Variants in ASTN2 observed in about 807,000 individuals in gnomAD.
The protein encoded by ASTN2 is astrotactin-2.
In ASTN2, 54 loss-of-function variants were observed where a neutral mutation model predicts 139.8. The ratio of observed to expected loss-of-function variants is 0.39; its 90% CI spans 0.31 to 0.48. ASTN2 has a LOEUF of 0.48. Ranked by LOEUF, ASTN2 falls within the 20% of genes least tolerant of loss-of-function variation. The pLI is 0.95. For missense variants in ASTN2, 1,565 were observed against 1,725.1 expected (o/e 0.91, Z 1.64); for synonymous variants, 756 against 719.5 (o/e 1.05, Z -0.81).
At chr9:117,266,149 G>C (rs1027755922) in intron 2 of ASTN2, among the ~76,000 whole-genome samples, 4 of 152,130 alleles carry the variant, frequency 2.6e-5, no homozygotes, top group African/African-American at 9.7e-5. Context: ...TTATAATTAA[G>C]ATATTGTAGA....
chr9:117,193,328 A>C (rs933007166), intron 3 of ASTN2, among the ~76,000 whole-genome samples: 2 of 152,106 alleles, frequency 1.3e-5, no homozygotes, highest in African/African-American at 4.8e-5. Context: ...AAGGATGTCA[A>C]GGCACTTTGA....
At chr9:116,809,673 G>C (rs1432070138) in intron 12 of ASTN2, among the ~76,000 whole-genome samples, 1 of 152,078 alleles carries the variant, frequency 6.6e-6, no homozygotes, top group Non-Finnish European at 1.5e-5. Context: ...ACTAAATTGG[G>C]GGAAGATTTT....
chr9:117,039,023 T>C (rs540998394), intron 6 of ASTN2, among the ~76,000 whole-genome samples: 2 of 152,310 alleles, frequency 1.3e-5, no homozygotes, highest in East Asian at 3.9e-4. Flanking sequence ...CAGTCTTCCT[T>C]GTCATATGAT....
chr9:117,004,147 T>C (rs1837289666), intron 7 of ASTN2, among the ~76,000 whole-genome samples: 1 of 151,996 alleles, frequency 6.6e-6, no homozygotes, highest in Non-Finnish European at 1.5e-5. Flanking sequence ...TGGGACAAGG[T>C]CTCACTCTGT....
intron 10 of ASTN2, among the ~76,000 whole-genome samples, chr9:116,936,209 TCAC>T (rs1294855419): frequency 5.7e-4 from 44 of 77,630 alleles, no homozygotes; most frequent in South Asian, 2.8e-3. Flanking sequence ...ACCATCACCA[TCAC>T]CACCACCACC....
In ASTN2 at chr9:116,859,015, G is replaced by A. The variant is rs11793991; in HGVS notation, c.2040+4568C>T. ...TGCATTCCTTTCTGGAGGTTCCAGA[G>A]GTAAGTCTTTCTCTTTGCTTTTCCA... On this transcript the variant is annotated intron_variant, in intron 11 of 22. Transcript: ENST00000313400. 7.7e-3 allele frequency among the ~76,000 whole-genome samples: 1,176 copies of A among 152,230 alleles called. 6 individuals carry two copies. The highest frequency in any genetic ancestry group is 0.017 in the South Asian group (80 of 4,826).
At chr9:117,384,054 C>G (rs1241020750) in intron 1 of ASTN2, among the ~76,000 whole-genome samples, 1 of 152,196 alleles carries the variant, frequency 6.6e-6, no homozygotes, top group Non-Finnish European at 1.5e-5. Context: ...TGGGATCTGG[C>G]TTCAGCAGCC....
chr9:117,161,520 A>G (rs929021456), intron 3 of ASTN2, among the ~76,000 whole-genome samples: 1 of 151,994 alleles, frequency 6.6e-6, no homozygotes, highest in Non-Finnish European at 1.5e-5. Context: ...CAGCCTCCCT[A>G]GTAACTGGGA....
At chr9:117,139,172 C>A (rs541806164) in intron 4 of ASTN2, among the ~76,000 whole-genome samples, 1 of 152,242 alleles carries the variant, frequency 6.6e-6, no homozygotes, top group South Asian at 2.1e-4. Flanking sequence ...TAAAGCTATA[C>A]GAAATTTCAA....
chr9:117,066,496 T>TA (rs1431948111), intron 5 of ASTN2, among the ~76,000 whole-genome samples: 3 of 149,620 alleles, frequency 2.0e-5, no homozygotes, highest in Non-Finnish European at 4.5e-5. Context: ...CATGTGTCTT[T>TA]ATACTAGCAT....
rs181620858 is a variant in ASTN2 at position 117,238,102 on chromosome 9, G to A, written c.631-23360C>T. Among the ~76,000 whole-genome samples the A allele has an allele frequency of 5.9e-5, 9 of 152,282 alleles. No individual in the cohort carries two copies. In the East Asian group the frequency reaches 1.7e-3, roughly 29 times the overall value. On this transcript the variant is annotated intron_variant, in intron 2 of 22. Coordinates refer to ENST00000313400, the MANE Select transcript of ASTN2 (RefSeq NM_001365068.1). ...ATTGCAACCTGGCTCCCTAGAAGGA[G>A]GGGAGAGGCTGTTTTAATAATGATA...
At chr9:117,071,327 G>A (rs1242970898) in intron 5 of ASTN2, among the ~76,000 whole-genome samples, 4 of 151,952 alleles carry the variant, frequency 2.6e-5, no homozygotes, top group South Asian at 4.2e-4. Context: ...CTGCTCGGGG[G>A]TCAGGGGTCA....
intron 1 of ASTN2, among the ~76,000 whole-genome samples, chr9:117,310,462 C>A (rs1827939023): frequency 6.6e-6 from 1 of 152,124 alleles, no homozygotes; most frequent in Non-Finnish European, 1.5e-5. Flanking sequence ...CACCTGAAGT[C>A]CCTGCTTTCC....
chr9:116,799,594 C>T (rs146403014), intron 13 of ASTN2, among the ~76,000 whole-genome samples: 153 of 151,742 alleles, frequency 1.0e-3, no homozygotes, highest in Middle Eastern at 6.8e-3. Flanking sequence ...TTCTGAGACA[C>T]CAGGTTCAAT....
At chr9:116,834,164 T>C (rs1244253387) in intron 11 of ASTN2, among the ~76,000 whole-genome samples, 1 of 152,230 alleles carries the variant, frequency 6.6e-6, no homozygotes, top group Non-Finnish European at 1.5e-5. Context: ...ACACACTCCA[T>C]ACAATTTGAA....
At chr9:117,094,454 C>A (rs940303369) in intron 5 of ASTN2, among the ~76,000 whole-genome samples, 1 of 152,132 alleles carries the variant, frequency 6.6e-6, no homozygotes, top group Non-Finnish European at 1.5e-5. Flanking sequence ...ACTTCCCCAG[C>A]CCTAATTCTG....
chr9:117,402,182 C>G (rs1830851229), intron 1 of ASTN2, among the ~76,000 whole-genome samples: 1 of 152,086 alleles, frequency 6.6e-6, no homozygotes, highest in Non-Finnish European at 1.5e-5. Flanking sequence ...TTCTCCTGCC[C>G]CGGCCTCCTC....
intron 13 of ASTN2, among the ~76,000 whole-genome samples, chr9:116,780,138 T>C (rs552378084): frequency 7.9e-4 from 120 of 152,314 alleles, no homozygotes; most frequent in Non-Finnish European, 1.5e-3. Flanking sequence ...ATATAATCTC[T>C]GCTCTTGAGA....
intron 13 of ASTN2, among the ~76,000 whole-genome samples, chr9:116,783,290 CT>C (rs2132208537): frequency 3.5e-5 from 3 of 86,786 alleles, no homozygotes; most frequent in Admixed American, 1.2e-4. Flanking sequence ...TCCTTCCTTC[CT>C]TCCTTCCTCC....
Sources: gnomAD v4.1 joint callset for allele counts (sites outside exome capture counted in the v4.1 genomes callset) on GRCh38, gnomAD v4.1.1 for gene constraint, MANE v1.5 for transcripts, NCBI Gene and HGNC (gene_info 2026-07-23, HGNC 2026-07-21) for gene names.